Variants in ALK observed in about 807,000 individuals in gnomAD.
ALK encodes ALK receptor tyrosine kinase, also known as ALK tyrosine kinase receptor.
In ALK, 74 loss-of-function variants were observed where a neutral mutation model predicts 163.1. The ratio of observed to expected loss-of-function variants is 0.45; its 90% CI spans 0.38 to 0.55. ALK has a LOEUF of 0.55. ALK is among the 20% of genes least tolerant of loss of function. The pLI, the probability that ALK is intolerant of heterozygous loss-of-function variation, is 0.00. For missense variants in ALK, 2,063 were observed against 2,105.3 expected (o/e 0.98, Z 0.39); for synonymous variants, 960 against 843.2 (o/e 1.14, Z -2.40).
chr2:29,790,128 G>A (rs549573852), intron 1 of ALK, among the ~76,000 whole-genome samples: 2 of 152,276 alleles, frequency 1.3e-5, no homozygotes, highest in Admixed American at 1.3e-4. Context: ...GGGGCTCTAG[G>A]GAAGAAATCT....
intron 5 of ALK, among the ~76,000 whole-genome samples, chr2:29,340,878 T>A (rs1667770281): frequency 6.6e-6 from 1 of 152,146 alleles, no homozygotes; most frequent in African/African-American, 2.4e-5. Context: ...AGATACATCG[T>A]CTCTCCTTTC....
chr2:29,748,432 A>T (rs1315899441), intron 1 of ALK, among the ~76,000 whole-genome samples: 2 of 152,174 alleles, frequency 1.3e-5, no homozygotes, highest in Non-Finnish European at 2.9e-5. Context: ...TCACCTGGTG[A>T]TCATATTGGA....
At chr2:29,484,394 T>C (rs1398960426) in intron 4 of ALK, among the ~76,000 whole-genome samples, 1 of 152,160 alleles carries the variant, frequency 6.6e-6, no homozygotes, top group Non-Finnish European at 1.5e-5. Context: ...AACACACTGC[T>C]GGATCTGGGT....
At chr2:29,320,664 G>A (rs1234295608) in intron 7 of ALK, 87 bp downstream of exon 7, 16 of 1,586,122 alleles carry the variant, frequency 1.0e-5, no homozygotes, top group South Asian at 3.3e-5. Context: ...TGCCCTGCAG[G>A]TGGGGTGAAG....
At chr2:29,414,242 T>C (rs757445821) in intron 4 of ALK, among the ~76,000 whole-genome samples, 7 of 152,208 alleles carry the variant, frequency 4.6e-5, no homozygotes, top group Admixed American at 1.3e-4. Flanking sequence ...CCCCTTACTA[T>C]CTTCACATTT....
chr2:29,220,735 A>G lies in ALK; in HGVS notation c.3616T>C (p.Ser1206Pro). The change falls in exon 23 of 29, where the codon TCC (serine) becomes CCC (proline). Residue 1206 changes from serine to proline, a missense_variant. Coordinates refer to ENST00000389048, the MANE Select transcript of ALK (RefSeq NM_004304.5). ...LELMAGGDLK[S>P]FLRETRPRPS... ...CGAGGGCGGGTCTCTCGGAGGAAGG[A>G]CTTGAGGTCTCCCCCCGCCATGAGC... 1 of 1,613,644 alleles carries G rather than the reference A, an allele frequency of 6.2e-7. No individual in the cohort carries two copies. The highest frequency in any genetic ancestry group is 8.5e-7 in the Non-Finnish European group (1 of 1,179,760).
chr2:29,558,365 C>T (rs1332319185), intron 3 of ALK, among the ~76,000 whole-genome samples: 1 of 152,136 alleles, frequency 6.6e-6, no homozygotes, highest in East Asian at 1.9e-4. Context: ...AGCTTTGTGG[C>T]TTTTTGTTTT....
chr2:29,240,746 C>T (rs553891683), intron 12 of ALK, among the ~76,000 whole-genome samples: 1 of 152,280 alleles, frequency 6.6e-6, no homozygotes, highest in East Asian at 1.9e-4. Flanking sequence ...CTCTTCTGAA[C>T]CATATCAGAA....
chr2:29,761,145 C>G (rs1178925966), intron 1 of ALK, among the ~76,000 whole-genome samples: 2 of 152,188 alleles, frequency 1.3e-5, no homozygotes, highest in Non-Finnish European at 2.9e-5. Context: ...TAGTAGCCCC[C>G]TACTCACTAA....
intron 1 of ALK, among the ~76,000 whole-genome samples, chr2:29,757,743 T>C (rs1442867010): frequency 6.6e-6 from 1 of 152,128 alleles, no homozygotes. Flanking sequence ...AAATATTTTG[T>C]GCCATATAAG....
chr2:29,817,778 A>T (rs1664937229), intron 1 of ALK, among the ~76,000 whole-genome samples: 1 of 152,208 alleles, frequency 6.6e-6, no homozygotes, highest in African/African-American at 2.4e-5. Context: ...AAACAAAAGT[A>T]ATGAAGAGAA....
intron 4 of ALK, among the ~76,000 whole-genome samples, chr2:29,400,412 C>T (rs1558307917): frequency 6.6e-6 from 1 of 152,138 alleles, no homozygotes; most frequent in Non-Finnish European, 1.5e-5. Context: ...AGTGACCCTT[C>T]TCGCTTTGGT....
chr2:29,719,190 C>T (rs1353750345), intron 1 of ALK, among the ~76,000 whole-genome samples: 2 of 152,342 alleles, frequency 1.3e-5, no homozygotes, highest in East Asian at 1.9e-4. Context: ...CCTAAAAAAA[C>T]ATTTTAATCT....
intron 1 of ALK, among the ~76,000 whole-genome samples, chr2:29,897,636 C>T (rs1472266575): frequency 6.6e-6 from 1 of 152,154 alleles, no homozygotes; most frequent in Non-Finnish European, 1.5e-5. Flanking sequence ...TCAAGACCTC[C>T]TCTCTCATTC....
At chr2:29,541,521 C>T (rs1673412800) in intron 3 of ALK, among the ~76,000 whole-genome samples, 1 of 152,156 alleles carries the variant, frequency 6.6e-6, no homozygotes, top group African/African-American at 2.4e-5. Context: ...GAACTCCTGA[C>T]CTCAAGTGAT....
chr2:29,919,944 T>A (rs765834894), intron 1 of ALK, 49 bp downstream of exon 1: 2 of 1,599,274 alleles, frequency 1.3e-6, no homozygotes, highest in Admixed American at 1.7e-5. Context: ...TGCATATCAA[T>A]GTGACTAAAA....
intron 4 of ALK, among the ~76,000 whole-genome samples, chr2:29,494,483 C>T (rs748455404): frequency 2.0e-4 from 31 of 152,182 alleles, no homozygotes; most frequent in East Asian, 5.8e-4. Flanking sequence ...CCCACACTCA[C>T]GAGGGCCATG....
rs530042954 is a variant in ALK, at chr2:29,851,120, G to A, written c.667+68873C>T. On this transcript the variant is annotated intron_variant, in intron 1 of 28. Coordinates refer to ENST00000389048, the MANE Select transcript of ALK (RefSeq NM_004304.5). Reference sequence around the variant, plus strand: ...CAATAGTTGCATTGTGCCTTCTCCCGAATTAGAGTGTAAGCTCTAATTAAG... The same window carrying A: ...CAATAGTTGCATTGTGCCTTCTCCCAAATTAGAGTGTAAGCTCTAATTAAG... Among the ~76,000 whole-genome samples the A allele has an allele frequency of 1.3e-4, 20 of 152,304 alleles. No homozygotes were observed. The South Asian group carries it at 1.7e-3, about 13-fold the overall frequency.
chr2:29,570,964 A>G (rs1291349076), intron 3 of ALK, among the ~76,000 whole-genome samples: 1 of 152,212 alleles, frequency 6.6e-6, no homozygotes, highest in Non-Finnish European at 1.5e-5. Context: ...TATATTATGG[A>G]TAATTACAGA....
Sources: allele counts gnomAD v4.1 joint callset (sites outside exome capture counted in the v4.1 genomes callset), GRCh38; gene constraint gnomAD v4.1.1; transcripts MANE v1.5; gene names NCBI Gene and HGNC (gene_info 2026-07-23, HGNC 2026-07-21).